Variants in CHCT1 observed in about 807,000 individuals in gnomAD.
CHCT1 encodes CHD1 helical C-terminal domain containing protein 1.
chr17:60,422,516 G>A, the CHCT1 span: 1 of 1,543,952 alleles, frequency 6.5e-7, no homozygotes, highest in East Asian at 2.5e-5. Flanking sequence ...AGACGGCTAG[G>A]TCACAGAAGC....
At chr17:60,426,024 C>A in the CHCT1 span, 1 of 1,235,884 alleles carries the variant, frequency 8.1e-7, no homozygotes, top group Non-Finnish European at 1.1e-6. Flanking sequence ...GTGAGAGGTG[C>A]ACCAGAGCCA....
At chr17:60,422,608 G>A in the CHCT1 span, 2 of 1,550,670 alleles carry the variant, frequency 1.3e-6, no homozygotes, top group Non-Finnish European at 1.7e-6. Flanking sequence ...GGCCTCAGAT[G>A]GGCAAGGGGG....
chr17:60,425,131 A>G, the CHCT1 span, among the ~76,000 whole-genome samples: 1 of 152,060 alleles, frequency 6.6e-6, no homozygotes, highest in Non-Finnish European at 1.5e-5. Flanking sequence ...CTCCCACTCC[A>G]TGATCTCCTT....
the CHCT1 span, among the ~76,000 whole-genome samples, chr17:60,429,163 A>C: frequency 2.6e-5 from 4 of 152,262 alleles, no homozygotes; most frequent in Admixed American, 1.3e-4. Context: ...ACAACGCAGG[A>C]GGACACCATT....
the CHCT1 span, chr17:60,425,836 C>A: frequency 6.4e-7 from 1 of 1,551,766 alleles, no homozygotes; most frequent in East Asian, 2.4e-5. Context: ...CTGCTAGAGA[C>A]TCGCTCATGC....
chr17:60,421,591 T>G, the CHCT1 span: 1 of 984,078 alleles, frequency 1.0e-6, no homozygotes, highest in Non-Finnish European at 1.2e-6. Flanking sequence ...GTGAGGAAAC[T>G]GCGGGGGCAA....
chr17:60,425,738 G>A, the CHCT1 span: 2 of 1,436,688 alleles, frequency 1.4e-6, no homozygotes, highest in East Asian at 2.5e-5. Flanking sequence ...GCCCCCAGGA[G>A]TAACGGTCCA....
At chr17:60,424,990 A>G in the CHCT1 span, among the ~76,000 whole-genome samples, 2 of 152,080 alleles carry the variant, frequency 1.3e-5, no homozygotes, top group African/African-American at 4.8e-5. Flanking sequence ...CCTACATACC[A>G]CTCAAACTAC....
chr17:60,429,657 GC>G, the CHCT1 span: 3 of 1,199,904 alleles, frequency 2.5e-6, no homozygotes, highest in Non-Finnish European at 2.3e-6. Flanking sequence ...GGGAGCCTCT[GC>G]CCCCAGCCTG....
chr17:60,429,565 C>T, the CHCT1 span: 1 of 1,612,734 alleles, frequency 6.2e-7, no homozygotes, highest in Non-Finnish European at 8.5e-7. Context: ...AAGGTAATGA[C>T]CATTTGGTGT....
chr17:60,430,638 A>G, the CHCT1 span, among the ~76,000 whole-genome samples: 1 of 152,044 alleles, frequency 6.6e-6, no homozygotes, highest in Non-Finnish European at 1.5e-5. Context: ...GTGCCACCAC[A>G]CCTGGCTATT....
the CHCT1 span, chr17:60,426,227 CAGA>C: frequency 3.9e-6 from 6 of 1,551,882 alleles, no homozygotes; most frequent in South Asian, 3.6e-5. Context: ...GGACCTTCCC[CAGA>C]AGAAGAAGCT....
At chr17:60,427,314 T>A in the CHCT1 span, among the ~76,000 whole-genome samples, 1 of 152,274 alleles carries the variant, frequency 6.6e-6, no homozygotes, top group South Asian at 2.1e-4. Flanking sequence ...GTTGTTGCCA[T>A]GGGAAGGGGT....
At chr17:60,431,103 C>T in the CHCT1 span, 5 of 994,248 alleles carry the variant, frequency 5.0e-6, no homozygotes, top group Non-Finnish European at 7.6e-6. Flanking sequence ...GCCCCTACAA[C>T]ACCCCCCATG....
the CHCT1 span, among the ~76,000 whole-genome samples, chr17:60,422,875 G>T: frequency 6.6e-6 from 1 of 152,132 alleles, no homozygotes; most frequent in Admixed American, 6.5e-5. Flanking sequence ...GAAGACTTGA[G>T]AGTATGTGTA....
chr17:60,426,914 T>C, the CHCT1 span: 7 of 1,527,816 alleles, frequency 4.6e-6, no homozygotes, highest in Admixed American at 1.4e-4. Flanking sequence ...CCAGAGCCCC[T>C]CTGGTCCTTC....
At chr17:60,422,712 A>C in the CHCT1 span, 2 of 1,446,126 alleles carry the variant, frequency 1.4e-6, no homozygotes, top group East Asian at 2.5e-5. Flanking sequence ...AGTAGAGAAC[A>C]TGAAATTCAG....
the CHCT1 span, chr17:60,431,249 C>T: frequency 6.2e-7 from 1 of 1,603,900 alleles, no homozygotes; most frequent in Non-Finnish European, 8.5e-7. Context: ...CCCAGAAACT[C>T]CAGAGACTGA....
chr17:60,423,939 C>T, the CHCT1 span, among the ~76,000 whole-genome samples: 2 of 152,200 alleles, frequency 1.3e-5, no homozygotes, highest in African/African-American at 4.8e-5. Flanking sequence ...TTATTTGGCT[C>T]ACAGTCCTGC....
Sources: allele counts gnomAD v4.1 joint callset (sites outside exome capture counted in the v4.1 genomes callset), GRCh38; gene constraint gnomAD v4.1.1; transcripts MANE v1.5; gene names NCBI Gene and HGNC (gene_info 2026-07-23, HGNC 2026-07-21).